The following EVC variants were observed in gnomAD, a reference collection of about 807,000 sequenced individuals.
The protein encoded by EVC is EvC ciliary complex subunit 1.
In EVC, 116 loss-of-function variants were observed where a neutral mutation model predicts 118.9. The observed-to-expected ratio is 0.98, with a 90% CI of 0.84 to 1.14. The LOEUF (loss-of-function observed/expected upper bound fraction) is 1.14. EVC is among the 50% of genes most tolerant of loss of function. The pLI is 0.00. For missense variants in EVC, 1,401 were observed against 1,246.4 expected, an observed-to-expected ratio of 1.12 and a Z score of -1.87; for synonymous variants, 619 against 534.7, an observed-to-expected ratio of 1.16 and a Z score of -2.18.
downstream of EVC, among the ~76,000 whole-genome samples, chr4:5,815,834 C>A (rs1427525334): frequency 6.6e-6 from 1 of 152,192 alleles, no homozygotes; most frequent in African/African-American, 2.4e-5. Context: ...TGCCACCTGG[C>A]ATATAACAGG....
At chr4:5,802,157 G>A (rs1715127470) in intron 16 of EVC, 63 bp downstream of exon 16, 1 of 1,591,518 alleles carries the variant, frequency 6.3e-7, no homozygotes, top group Non-Finnish European at 8.6e-7. Context: ...TTAGTTTGGG[G>A]CAGAATAGGA....
intron 2 of EVC, among the ~76,000 whole-genome samples, chr4:5,720,879 T>C (rs1000367671): frequency 8.9e-6 from 1 of 111,736 alleles, no homozygotes; most frequent in Non-Finnish European, 2.1e-5. Context: ...CAGGAAAATA[T>C]GAGTTAACTT....
intron 11 of EVC, among the ~76,000 whole-genome samples, chr4:5,765,821 G>T (rs910135013): frequency 2.0e-5 from 3 of 150,334 alleles, no homozygotes; most frequent in Non-Finnish European, 4.4e-5. Flanking sequence ...TGGGTTTCCT[G>T]AGTACAGCAC....
chr4:5,803,459 C>T (rs1715351178), intron 16 of EVC, among the ~76,000 whole-genome samples: 1 of 152,212 alleles, frequency 6.6e-6, no homozygotes, highest in Non-Finnish European at 1.5e-5. Context: ...TTGCTTGCTA[C>T]TGCAGAACAT....
intron 11 of EVC, among the ~76,000 whole-genome samples, chr4:5,767,919 C>T (rs1157333101): frequency 2.0e-5 from 3 of 152,206 alleles, no homozygotes; most frequent in East Asian, 1.9e-4. Context: ...GCCATCTTGG[C>T]CCCTCCCCCC....
Position 5,810,339 on chromosome 4 carries a change from A to G in EVC, c.2783A>G (p.Glu928Gly), listed in dbSNP as rs561888939. 6.2e-6 allele frequency: 10 copies of G among 1,612,412 alleles called. No homozygotes were observed. The highest frequency in any genetic ancestry group is 7.6e-6 in the Non-Finnish European group (9 of 1,179,192). Residue 928 changes from glutamate to glycine, a missense_variant and splice_region_variant, in exon 20 of 21, where the codon GAG (glutamate) becomes GGG (glycine). Coordinates refer to ENST00000264956, the MANE Select transcript of EVC (RefSeq NM_153717.3). ...GCCTGGGTTCATCTGTCCTCTACAG[A>G]GAAGCCCCTAAGGACTAAAAGGAAG... is the stretch of plus-strand genomic sequence containing the variant. ...KLLPAKRGLL[E>G]KPLRTKRKKP...
At chr4:5,744,968 G>GTTTTTTTTTTT (rs112283154) in intron 6 of EVC, among the ~76,000 whole-genome samples, 1 of 139,902 alleles carries the variant, frequency 7.1e-6, no homozygotes. Context: ...GTATGGTCTA[G>GTTTTTTTTTTT]TTTTTTTTTT....
intron 1 of EVC, among the ~76,000 whole-genome samples, chr4:5,717,492 A>T (rs1260219102): frequency 6.6e-6 from 1 of 151,980 alleles, no homozygotes; most frequent in African/African-American, 2.4e-5. Flanking sequence ...GGATATATAT[A>T]TTTTTTCCTC....
At chr4:5,714,615 C>A (rs1723643769) in intron 1 of EVC, among the ~76,000 whole-genome samples, 1 of 152,040 alleles carries the variant, frequency 6.6e-6, no homozygotes, top group Non-Finnish European at 1.5e-5. Flanking sequence ...CCAACACCAC[C>A]ACCACACTCT....
chr4:5,790,255 AT>A (rs899361162), intron 12 of EVC, among the ~76,000 whole-genome samples: 1 of 151,976 alleles, frequency 6.6e-6, no homozygotes, highest in African/African-American at 2.4e-5. Flanking sequence ...ACTCCAATAG[AT>A]TATTGTAAAC....
chr4:5,766,006 C>G (rs1221001357), intron 11 of EVC, among the ~76,000 whole-genome samples: 2 of 133,228 alleles, frequency 1.5e-5, no homozygotes, highest in Non-Finnish European at 3.2e-5. Flanking sequence ...TCTCGATGGT[C>G]TTTACATTTT....
intron 19 of EVC, among the ~76,000 whole-genome samples, chr4:5,809,819 C>T (rs776950841): frequency 6.6e-6 from 1 of 152,168 alleles, no homozygotes; most frequent in Admixed American, 6.5e-5. Context: ...AATTCCAGTT[C>T]TTGGGTCTGG....
In EVC at chr4:5,755,352, G is replaced by A. The variant is rs897054840; in HGVS notation, c.1465-912G>A. On this transcript the variant is annotated intron_variant, in intron 10 of 20. Transcript: ENST00000264956. This position sits in a 1 kb window ranked among gnomAD's most constrained non-coding sequence, Gnocchi z 4.1. ...CGCTGGCGTTCAGGACACGTGGGAC[G>A]CAGGCAGGGAAGGGTGAATGAGCGC... Among the ~76,000 whole-genome samples the A allele has an allele frequency of 3.3e-5, 5 of 152,166 alleles. No individual in the cohort carries two copies. The highest frequency in any genetic ancestry group is 1.3e-4 in the Admixed American group (2 of 15,284).
intron 13 of EVC, among the ~76,000 whole-genome samples, chr4:5,794,243 A>ATATATATT (rs1560419285): frequency 1.6e-3 from 115 of 71,382 alleles, no homozygotes; most frequent in Non-Finnish European, 3.2e-3. Context: ...ATATATTTAT[A>ATATATATT]TATATATTTA....
At chr4:5,718,157 G>A (rs1359803655) in intron 1 of EVC, among the ~76,000 whole-genome samples, 1 of 152,154 alleles carries the variant, frequency 6.6e-6, no homozygotes, top group Non-Finnish European at 1.5e-5. Context: ...GTTATGTTCT[G>A]TAAACTCACT....
chr4:5,799,637 G>C (rs1714611834), intron 15 of EVC, among the ~76,000 whole-genome samples: 1 of 152,178 alleles, frequency 6.6e-6, no homozygotes, highest in South Asian at 2.1e-4. Flanking sequence ...GTCTGTGGCT[G>C]GGAGACAGCA....
intron 2 of EVC, among the ~76,000 whole-genome samples, chr4:5,724,892 GC>G (rs908070308): frequency 5.3e-5 from 8 of 151,886 alleles, no homozygotes; most frequent in African/African-American, 1.9e-4. Flanking sequence ...CCCCCGACAG[GC>G]CCCAGTGTGT....
At position 5,738,724 on chromosome 4, in the gene EVC, G is replaced by A. The variant is rs190006333; in HGVS notation, c.703-2992G>A. Among the ~76,000 whole-genome samples the A allele has an allele frequency of 2.5e-3, 379 of 151,440 alleles. 1 individual carries two copies. Among genetic ancestry groups the A allele is most frequent in the African/African-American group, 4.6e-3 (191 of 41,214 alleles). On this transcript the variant is annotated intron_variant, in intron 5 of 20. Coordinates refer to ENST00000264956, the MANE Select transcript of EVC (RefSeq NM_153717.3). This position sits in a 1 kb window ranked among gnomAD's most constrained non-coding sequence, Gnocchi z 6.5. ...TGGGACCACAGGCGCGCACCACCTC[G>A]CCCAGACAATTTTTGCATTTTTAGT... is the stretch of plus-strand genomic sequence containing the variant.
chr4:5,813,118 A>G lies in EVC; in HGVS notation c.*2081A>G, dbSNP rs765895499. On this transcript the variant is annotated 3_prime_UTR_variant, in exon 21 of 21. Coordinates refer to ENST00000264956, the MANE Select transcript of EVC (RefSeq NM_153717.3). ...CACCCATCAGCCAGTGGGCTCTCCA[A>G]AGTTAACCAACAGCTCCCTCTTGTG... 1 of 152,202 alleles carries G rather than the reference A, an allele frequency of 6.6e-6. No individual in the cohort carries two copies. Among genetic ancestry groups the G allele is most frequent in the Non-Finnish European group, 1.5e-5 (1 of 68,038 alleles). 9.4% of individuals were successfully genotyped at this position (152,202 alleles called of 1,614,324 possible).
Sources: allele counts gnomAD v4.1 joint callset (sites outside exome capture counted in the v4.1 genomes callset), GRCh38; gene constraint gnomAD v4.1.1; non-coding constraint Gnocchi (gnomAD v3.1); transcripts MANE v1.5; gene names NCBI Gene and HGNC (gene_info 2026-07-23, HGNC 2026-07-21).